SLC19A1: variants seen among roughly 807,000 people sequenced by gnomAD.
SLC19A1 encodes reduced folate transporter.
A neutral mutation model predicts 35.3 loss-of-function variants in SLC19A1; 37 were observed. That is an observed-to-expected ratio of 1.05 (90% confidence interval 0.81 to 1.38). SLC19A1 has a LOEUF of 1.38. Ranked by LOEUF, SLC19A1 falls within the 40% of genes most tolerant of loss-of-function variation. The pLI is 0.00. For synonymous variants in SLC19A1, 460 were observed against 398.5 expected (o/e 1.15, Z -1.84); for missense variants, 831 against 826.9 (o/e 1.00, Z -0.06).
chr21:45,531,067 G>A (rs2077871192), intron 3 of SLC19A1, 96 bp from the exon 4 acceptor site: 1 of 711,770 alleles, frequency 1.4e-6, no homozygotes, highest in African/African-American at 2.1e-5. Context: ...CCACGGGGCA[G>A]GGGGCGGGGA....
chr21:45,504,378 G>A, intron 3 of SLC19A1: 1 of 1,600,744 alleles, frequency 6.2e-7, no homozygotes, highest in East Asian at 2.2e-5. Flanking sequence ...GCTTGTAGGG[G>A]TTCAGGGCTC....
In SLC19A1 at chr21:45,540,752, G is replaced by GA. The variant is rs1465953521; in HGVS notation, c.-50+1615dup. On this transcript the variant is annotated intron_variant, in intron 1 of 5. Transcript: ENST00000311124. This position sits in a 1 kb window ranked among gnomAD's most constrained non-coding sequence, Gnocchi z 5.5. ...TGAGGCCTCTTCCCGGCATCTGAAG[G>GA]AAGTCCCCGACCAGACAGGAGGGCC... Among the ~76,000 whole-genome samples the GA allele has an allele frequency of 6.6e-6, 1 of 152,144 alleles. No individual in the cohort carries two copies. The highest frequency in any genetic ancestry group is 1.5e-5 in the Non-Finnish European group (1 of 68,038).
rs745596998 is a variant in SLC19A1, at chr21:45,505,371, C to T, written c.498-6759G>A. 6.3e-5 allele frequency: 101 copies of T among 1,593,252 alleles called. No individual in the cohort carries two copies. Among genetic ancestry groups the T allele is most frequent in the Middle Eastern group, 1.9e-4 (1 of 5,332 alleles). On this transcript the variant is annotated intron_variant, in intron 3 of 4. Transcript: ENST00000417954. ...TCTCTCCTGCAGCTATCAGCGTTCC[C>T]GGCCCTCCGGGCCCCCCTGGGCCCC...
chr21:45,505,934 G>A lies in SLC19A1; in HGVS notation c.498-7322C>T, dbSNP rs537502596. Reference sequence around the variant, plus strand: ...CGTGGCCGAGCAGGAGGAGCTCTACGTCCGCGTGCAGAACGGGTTCCGGAA... The same window carrying A: ...CGTGGCCGAGCAGGAGGAGCTCTACATCCGCGTGCAGAACGGGTTCCGGAA... On this transcript the variant is annotated intron_variant, in intron 3 of 4. Transcript: ENST00000417954. The A allele has an allele frequency of 4.5e-5, 73 of 1,613,204 alleles. No homozygotes were observed. Among genetic ancestry groups the A allele is most frequent in the East Asian group, 1.8e-4 (8 of 44,878 alleles).
chr21:45,542,880 G>T (rs36230821), upstream of SLC19A1, among the ~76,000 whole-genome samples: 1 of 149,966 alleles, frequency 6.7e-6, no homozygotes, highest in Non-Finnish European at 1.5e-5. Context: ...ATTCCTGGCC[G>T]CAAGCTGGAT....
downstream of SLC19A1, chr21:45,512,562 G>C: frequency 1.4e-6 from 1 of 689,668 alleles, no homozygotes; most frequent in Non-Finnish European, 2.4e-6. Context: ...GGAAGCCAAA[G>C]AGTGTATTTT....
chr21:45,509,808 T>C (rs868555263), downstream of SLC19A1, among the ~76,000 whole-genome samples: 1 of 148,112 alleles, frequency 6.8e-6, no homozygotes. Flanking sequence ...GTCCAGCCGC[T>C]GTCACATCCT....
In SLC19A1 at chr21:45,515,400, A is replaced by G; in HGVS notation, c.*258T>C. 1 of 1,432,028 alleles carries G rather than the reference A, an allele frequency of 7.0e-7. No individual in the cohort carries two copies. The highest frequency in any genetic ancestry group is 9.1e-7 in the Non-Finnish European group (1 of 1,102,614). 88.7% of individuals were successfully genotyped at this position (1,432,028 alleles called of 1,614,324 possible). A position where few individuals can be genotyped will look rare whatever the true frequency, so the allele number is the denominator to read the frequency against. On this transcript the variant is annotated 3_prime_UTR_variant, in exon 6 of 6. Coordinates refer to ENST00000311124, the MANE Select transcript of SLC19A1 (RefSeq NM_194255.4). ...TGAGCCAGTGAGGCCTGGTGGACGC[A>G]GAAGCCCACCACCCACCTCTTCCAG...
At chr21:45,547,659 C>T (rs1488112065), upstream of SLC19A1, among the ~76,000 whole-genome samples, 1 of 152,220 alleles carries the variant, frequency 6.6e-6, no homozygotes, top group East Asian at 1.9e-4. Flanking sequence ...CCAGCCCCCA[C>T]CAGGTTGTCC....
intron 3 of SLC19A1, chr21:45,504,465 A>C (rs1374274243): frequency 6.2e-7 from 1 of 1,609,826 alleles, no homozygotes; most frequent in South Asian, 1.1e-5. Context: ...GAAAGGGGGG[A>C]GCCCGGGGGC....
chr21:45,554,497 C>G (rs1658024292), intron 1 of SLC19A1, among the ~76,000 whole-genome samples: 1 of 54,908 alleles, frequency 1.8e-5, no homozygotes, highest in Non-Finnish European at 3.6e-5. Context: ...CTCCCAATCC[C>G]CTGCGCCCCC....
downstream of SLC19A1, chr21:45,512,073 G>GC: frequency 8.7e-7 from 1 of 1,152,870 alleles, no homozygotes; most frequent in Non-Finnish European, 1.3e-6. Flanking sequence ...AGCCTCTGCA[G>GC]CCCCCTGGTA....
downstream of SLC19A1, chr21:45,512,074 C>G: frequency 1.7e-6 from 2 of 1,157,894 alleles, no homozygotes; most frequent in East Asian, 2.6e-5. Context: ...GCCTCTGCAG[C>G]CCCCTGGTAA....
At chr21:45,511,242 C>G, downstream of SLC19A1, 1 of 1,392,716 alleles carries the variant, frequency 7.2e-7, no homozygotes, top group Non-Finnish European at 1.0e-6. Context: ...TTCCCAGTGC[C>G]GTGTGAGCAG....
In SLC19A1 at chr21:45,533,180, G is replaced by A. The variant is rs1454887499; in HGVS notation, c.190-1032C>T. 6.6e-6 allele frequency among the ~76,000 whole-genome samples: 1 copy of A among 152,200 alleles called. No homozygotes were observed. The highest frequency in any genetic ancestry group is 2.4e-5 in the African/African-American group (1 of 41,450). ...CACCTCCTCCATCACATGTTATGTGGGAACCCAGCTCCACAGCCTTGGCCA... is the reference window on the plus strand; with the variant it reads ...CACCTCCTCCATCACATGTTATGTGAGAACCCAGCTCCACAGCCTTGGCCA... On this transcript the variant is annotated intron_variant, in intron 2 of 5. Transcript: ENST00000311124. This position sits in a 1 kb window ranked among gnomAD's most constrained non-coding sequence, Gnocchi z 4.5.
intron 3 of SLC19A1, chr21:45,505,384 C>T: frequency 6.4e-7 from 1 of 1,559,756 alleles, no homozygotes; most frequent in South Asian, 1.1e-5. Flanking sequence ...CCCTCCGGGC[C>T]CCCCTGGGCC....
intron 4 of SLC19A1, among the ~76,000 whole-genome samples, chr21:45,528,198 C>T (rs2077717797): frequency 6.6e-6 from 1 of 152,008 alleles, no homozygotes; most frequent in Non-Finnish European, 1.5e-5. Flanking sequence ...ACAGGGAGAA[C>T]TGAGCACAAA....
chr21:45,554,462 T>C (rs867304791), intron 1 of SLC19A1, among the ~76,000 whole-genome samples: 1 of 124 alleles, frequency 8.1e-3, no homozygotes, highest in Admixed American at 0.071. Context: ...CAGTCCCCCA[T>C]GCCCCCCCAA....
At chr21:45,525,671 C>G in intron 5 of SLC19A1, 146 bp downstream of exon 5, 2 of 830,138 alleles carry the variant, frequency 2.4e-6, no homozygotes, top group South Asian at 3.5e-5. Context: ...TCTCGCTGGC[C>G]TGGTGTGTCC....
Sources: allele counts gnomAD v4.1 joint callset (sites outside exome capture counted in the v4.1 genomes callset), GRCh38; gene constraint gnomAD v4.1.1; non-coding constraint Gnocchi (gnomAD v3.1); transcripts MANE v1.5; gene names NCBI Gene and HGNC (gene_info 2026-07-23, HGNC 2026-07-21).